Variants in LCORL observed in about 807,000 individuals in gnomAD.
LCORL encodes ligand dependent nuclear receptor corepressor like.
LCORL carries 41 observed loss-of-function variants against 141.8 expected under a neutral mutation model. The ratio of observed to expected loss-of-function variants is 0.29; its 90% CI spans 0.23 to 0.38. LCORL has a LOEUF of 0.38. Among genes scored for constraint, LCORL ranks in the 10% least tolerant of loss-of-function variants. LCORL has a pLI of 1.00. For missense variants in LCORL, 1,759 were observed against 2,035.0 expected, an observed-to-expected ratio of 0.86 and a Z score of 2.61; for synonymous variants, 618 against 694.1, an observed-to-expected ratio of 0.89 and a Z score of 1.72.
chr4:17,921,279 T>C (rs928575346), intron 4 of LCORL, among the ~76,000 whole-genome samples: 1 of 152,044 alleles, frequency 6.6e-6, no homozygotes, highest in Admixed American at 6.6e-5. Context: ...GCCCCCACCT[T>C]GGCCTCCCAA....
chr4:17,901,538 T>TATAA (rs1317269577), intron 5 of LCORL, among the ~76,000 whole-genome samples: 1 of 152,064 alleles, frequency 6.6e-6, no homozygotes, highest in Non-Finnish European at 1.5e-5. Flanking sequence ...AAATTGATGA[T>TATAA]ATAAAACAAA....
In LCORL at chr4:17,884,803, C is replaced by T; in HGVS notation, c.776+1265G>A. The T allele has an allele frequency of 3.8e-6, 4 of 1,041,774 alleles. No individual in the cohort carries two copies. Among genetic ancestry groups the T allele is most frequent in the Non-Finnish European group, 5.4e-6 (4 of 741,338 alleles). The allele number at this position is 1,041,774 out of a possible 1,614,324, so 64.5% of individuals were successfully genotyped here. On this transcript the variant is annotated intron_variant, in intron 6 of 7. Transcript: ENST00000635767. This position sits in a 1 kb window ranked among gnomAD's most constrained non-coding sequence, Gnocchi z 4.4. ...TAAACTGATGCATGAGAGACTCTCA[C>T]ACAGCTATGGAAGGGGAGGGTCCAC...
intron 7 of LCORL, among the ~76,000 whole-genome samples, chr4:17,859,767 A>G (rs1310728189): frequency 1.3e-5 from 2 of 152,246 alleles, no homozygotes; most frequent in African/African-American, 4.8e-5. Context: ...AAGTTTCAGG[A>G]TACAAAATCA....
chr4:17,843,192 T>TATCA (rs1553852358), exon 8 of LCORL: 6 of 1,175,366 alleles, frequency 5.1e-6, no homozygotes, highest in Middle Eastern at 2.9e-4. Flanking sequence ...GGAATCAGGC[T>TATCA]ATCAATTAAA....
At chr4:17,925,001 C>A (rs759382752) in intron 4 of LCORL, among the ~76,000 whole-genome samples, 8 of 152,142 alleles carry the variant, frequency 5.3e-5, no homozygotes, top group Non-Finnish European at 1.2e-4. Context: ...CACCATCACC[C>A]CTAGTGATCC....
chr4:17,877,191 A>G, exon 7 of LCORL: 5 of 1,230,342 alleles, frequency 4.1e-6, no homozygotes, highest in Non-Finnish European at 5.1e-6. Context: ...TCTTGTCTGA[A>G]TAATTTTATT....
intron 1 of LCORL, among the ~76,000 whole-genome samples, chr4:18,013,818 T>C (rs1051526210): frequency 9.8e-5 from 5 of 51,058 alleles, no homozygotes; most frequent in African/African-American, 1.8e-4. Flanking sequence ...TGCAGTTGAA[T>C]TTTTTTTTTT....
At chr4:17,902,801 T>C (rs1330632860) in intron 5 of LCORL, among the ~76,000 whole-genome samples, 2 of 151,968 alleles carry the variant, frequency 1.3e-5, no homozygotes, top group Admixed American at 1.3e-4. Flanking sequence ...CATAATTTGT[T>C]AAAAAGAAAT....
At chr4:17,993,958 C>A (rs978264813) in intron 1 of LCORL, among the ~76,000 whole-genome samples, 14 of 152,130 alleles carry the variant, frequency 9.2e-5, no homozygotes, top group African/African-American at 3.4e-4. Flanking sequence ...TTAAAAAGTT[C>A]TGGCTTGAGA....
At chr4:18,009,277 T>C (rs559121235) in intron 1 of LCORL, among the ~76,000 whole-genome samples, 1 of 152,176 alleles carries the variant, frequency 6.6e-6, no homozygotes, top group South Asian at 2.1e-4. Context: ...TTATTCTTAA[T>C]ACTGATCAAT....
chr4:17,877,146 C>T (rs1382108074), exon 7 of LCORL: 17 of 1,230,576 alleles, frequency 1.4e-5, no homozygotes, highest in East Asian at 1.3e-4. Flanking sequence ...AGAGGAGTTG[C>T]GCATTGCAAA....
rs1343157989 is a variant in LCORL, at chr4:17,986,382, T to C, written c.155-13497A>G. On this transcript the variant is annotated intron_variant, in intron 1 of 7. Transcript: ENST00000635767. The stretch of plus-strand genomic sequence containing the variant: ...TTGTTTTCTATTTCGCTGTCCCTTC[T>C]AGGGATGCCAGTGATTTGTAGGCTT... Among the ~76,000 whole-genome samples the C allele has an allele frequency of 2.0e-4, 30 of 152,190 alleles. 1 individual carries two copies. Among genetic ancestry groups the C allele is most frequent in the Admixed American group, 2.0e-3 (30 of 15,282 alleles).
chr4:17,959,949 G>A (rs1161787240), intron 4 of LCORL, among the ~76,000 whole-genome samples: 6 of 151,964 alleles, frequency 3.9e-5, no homozygotes, highest in Non-Finnish European at 7.4e-5. Context: ...AACTCAAATG[G>A]CAAACTAACA....
chr4:17,949,574 C>T (rs1217156285), intron 4 of LCORL, among the ~76,000 whole-genome samples: 1 of 152,090 alleles, frequency 6.6e-6, no homozygotes, highest in African/African-American at 2.4e-5. Context: ...TATCCATTTT[C>T]CTTTGCTTTC....
At chr4:17,892,601 A>G (rs1190882996) in intron 5 of LCORL, among the ~76,000 whole-genome samples, 1 of 151,086 alleles carries the variant, frequency 6.6e-6, no homozygotes, top group Admixed American at 6.6e-5. Flanking sequence ...TCATTAATCT[A>G]CTATTTATTC....
At chr4:17,910,681 G>C (rs947919354) in intron 4 of LCORL, among the ~76,000 whole-genome samples, 6 of 152,152 alleles carry the variant, frequency 3.9e-5, no homozygotes, top group Non-Finnish European at 8.8e-5. Flanking sequence ...GAGGTGAGGA[G>C]AGGCAACAAA....
chr4:17,911,192 A>G (rs947984481), intron 4 of LCORL, among the ~76,000 whole-genome samples: 1 of 152,192 alleles, frequency 6.6e-6, no homozygotes. Flanking sequence ...TGGCATATTA[A>G]TAGTCCAGTA....
chr4:17,936,143 A>G (rs1054459447), intron 4 of LCORL, among the ~76,000 whole-genome samples: 2 of 152,176 alleles, frequency 1.3e-5, no homozygotes, highest in East Asian at 3.8e-4. Flanking sequence ...ATAAGACACA[A>G]GTAGCTTGGT....
chr4:17,844,320 C>T (rs1019716425), exon 8 of LCORL: 6 of 152,334 alleles, frequency 3.9e-5, no homozygotes, highest in Admixed American at 6.6e-5. Flanking sequence ...CAATACCCAA[C>T]GAAACACCTT....
Sources: gnomAD v4.1 joint callset for allele counts (sites outside exome capture counted in the v4.1 genomes callset) on GRCh38, gnomAD v4.1.1 for gene constraint, Gnocchi (gnomAD v3.1) non-coding constraint, MANE v1.5 for transcripts, NCBI Gene and HGNC (gene_info 2026-07-23, HGNC 2026-07-21) for gene names.